PPARG: variants seen among roughly 807,000 people sequenced by gnomAD.
PPARG encodes the protein peroxisome proliferator activated receptor gamma, also known as peroxisome proliferator-activated receptor gamma.
In PPARG, 17 loss-of-function variants were observed where a neutral mutation model predicts 39.2. The observed-to-expected ratio is 0.43, with a 90% CI of 0.30 to 0.65. The LOEUF is 0.65. Among genes scored for constraint, PPARG ranks in the 30% least tolerant of loss-of-function variants. The pLI is 0.13. For synonymous variants in PPARG, 223 were observed against 215.7 expected (o/e 1.03, Z -0.30); for missense variants, 406 against 585.9 (o/e 0.69, Z 3.17).
intron 2 of PPARG, among the ~76,000 whole-genome samples, chr3:12,352,637 C>T (rs1201144026): frequency 6.6e-6 from 1 of 152,144 alleles, no homozygotes; most frequent in Admixed American, 6.5e-5. Flanking sequence ...AATTAAGTCA[C>T]TTAATTGCTG....
chr3:12,300,496 C>T (rs1298745129), intron 1 of PPARG, among the ~76,000 whole-genome samples: 1 of 152,072 alleles, frequency 6.6e-6, no homozygotes, highest in Non-Finnish European at 1.5e-5. Context: ...TTCTTTTTAT[C>T]GTGAACATTA....
At chr3:12,390,418 G>C (rs2050028113) in intron 4 of PPARG, among the ~76,000 whole-genome samples, 1 of 151,870 alleles carries the variant, frequency 6.6e-6, no homozygotes, top group South Asian at 2.1e-4. Context: ...ATAAATTATA[G>C]TATAGTCATA....
chr3:12,310,810 A>C (rs796080435), intron 1 of PPARG, among the ~76,000 whole-genome samples: 3,603 of 143,442 alleles, frequency 0.025, 119 homozygotes, highest in East Asian at 0.19. Context: ...AAAAAAAAAA[A>C]AAAAAAAAAA....
intron 1 of PPARG, among the ~76,000 whole-genome samples, chr3:12,306,338 C>T (rs1489097106): frequency 6.6e-6 from 1 of 152,200 alleles, no homozygotes; most frequent in Non-Finnish European, 1.5e-5. Context: ...TCTCCTGCCA[C>T]GTGGCCCAGT....
At chr3:12,416,469 T>TA (rs1251926150) in intron 6 of PPARG, among the ~76,000 whole-genome samples, 11 of 152,324 alleles carry the variant, frequency 7.2e-5, no homozygotes, top group Non-Finnish European at 4.4e-5. Flanking sequence ...GGTAAAGTGT[T>TA]ACAGTGTAAA....
intron 2 of PPARG, among the ~76,000 whole-genome samples, chr3:12,375,948 C>G (rs1027700338): frequency 7.6e-5 from 11 of 143,902 alleles, no homozygotes; most frequent in Non-Finnish European, 1.5e-4. Context: ...ATTTTCAAGG[C>G]TTTTTTTTTT....
intron 2 of PPARG, among the ~76,000 whole-genome samples, chr3:12,347,354 G>A (rs1024814064): frequency 9.2e-5 from 14 of 152,206 alleles, no homozygotes; most frequent in African/African-American, 3.1e-4. Flanking sequence ...TCCAAAAGGG[G>A]CACAGATACA....
At chr3:12,309,292 G>A (rs1269393930) in intron 1 of PPARG, among the ~76,000 whole-genome samples, 2 of 152,212 alleles carry the variant, frequency 1.3e-5, no homozygotes, top group South Asian at 2.1e-4. Context: ...ACTGAGTACT[G>A]TTTTTGTCGT....
intron 1 of PPARG, among the ~76,000 whole-genome samples, chr3:12,295,044 A>G (rs2046744133): frequency 6.6e-6 from 1 of 152,232 alleles, no homozygotes; most frequent in Non-Finnish European, 1.5e-5. Flanking sequence ...GGTGGTATTT[A>G]GCAGTTAGGT....
At chr3:12,289,962 G>A (rs1289349879) in intron 1 of PPARG, among the ~76,000 whole-genome samples, 1 of 151,900 alleles carries the variant, frequency 6.6e-6, no homozygotes, top group South Asian at 2.1e-4. Flanking sequence ...TTTAATATAC[G>A]AAACTTTAAA....
At chr3:12,297,237 A>G (rs4684845) in intron 1 of PPARG, among the ~76,000 whole-genome samples, 43,889 of 152,070 alleles carry the variant, frequency 0.29, 6,561 homozygotes, top group East Asian at 0.49. Flanking sequence ...GAAACTACTC[A>G]CAACTCTGAA....
intron 4 of PPARG, among the ~76,000 whole-genome samples, chr3:12,389,626 C>T (rs2049998119): frequency 6.6e-6 from 1 of 152,168 alleles, no homozygotes; most frequent in Non-Finnish European, 1.5e-5. Flanking sequence ...CGTAGTGGCA[C>T]ATGTGTGTAA....
chr3:12,362,399 A>G (rs2048875464), intron 2 of PPARG, among the ~76,000 whole-genome samples: 1 of 152,072 alleles, frequency 6.6e-6, no homozygotes, highest in Admixed American at 6.6e-5. Flanking sequence ...TGCCCCTGTA[A>G]TCCCAGCTAC....
intron 2 of PPARG, among the ~76,000 whole-genome samples, chr3:12,350,569 C>G (rs1482981986): frequency 6.6e-6 from 1 of 152,194 alleles, no homozygotes; most frequent in Non-Finnish European, 1.5e-5. Flanking sequence ...GTGACAAGAC[C>G]TGCTCCCACA....
At chr3:12,430,497 G>A (rs951657180) in intron 7 of PPARG, among the ~76,000 whole-genome samples, 3 of 152,226 alleles carry the variant, frequency 2.0e-5, no homozygotes, top group African/African-American at 7.2e-5. Flanking sequence ...CTAGCAAGTG[G>A]TCTATCTTGG....
At position 12,360,019 on chromosome 3, in the gene PPARG, C is replaced by T. The variant is rs535056183; in HGVS notation, c.-8-19685C>T. On this transcript the variant is annotated intron_variant, in intron 2 of 7. Coordinates refer to ENST00000651735, the MANE Select transcript of PPARG (RefSeq NM_138711.6). ...TGTACACCCTTTGAATTTTTACTTCCGCCATTTACACTGATTTGAAGTCCT... is the reference window on the plus strand; with the variant it reads ...TGTACACCCTTTGAATTTTTACTTCTGCCATTTACACTGATTTGAAGTCCT... 4.9e-4 allele frequency among the ~76,000 whole-genome samples: 74 copies of T among 152,118 alleles called. 1 individual carries two copies. The South Asian group carries it at 0.013, about 26-fold the overall frequency.
At chr3:12,338,847 T>A (rs777744180) in intron 2 of PPARG, among the ~76,000 whole-genome samples, 1 of 152,236 alleles carries the variant, frequency 6.6e-6, no homozygotes, top group Non-Finnish European at 1.5e-5. Flanking sequence ...CAACTAAAGT[T>A]GTGATATTGG....
At chr3:12,349,937 G>A (rs1417786240) in intron 2 of PPARG, among the ~76,000 whole-genome samples, 3 of 152,184 alleles carry the variant, frequency 2.0e-5, no homozygotes, top group Admixed American at 2.0e-4. Context: ...GAGAATAGAA[G>A]TAACAGTAGA....
At chr3:12,397,096 C>T (rs1474521162) in intron 5 of PPARG, among the ~76,000 whole-genome samples, 3 of 151,792 alleles carry the variant, frequency 2.0e-5, no homozygotes, top group African/African-American at 4.8e-5. Flanking sequence ...ATATGTTTTT[C>T]ATAAATTTAA....
Sources: gnomAD v4.1 joint callset for allele counts (sites outside exome capture counted in the v4.1 genomes callset) on GRCh38, gnomAD v4.1.1 for gene constraint, MANE v1.5 for transcripts, NCBI Gene and HGNC (gene_info 2026-07-23, HGNC 2026-07-21) for gene names.